The following HJV variants were observed in gnomAD, a reference collection of about 807,000 sequenced individuals.
HJV encodes the protein hemojuvelin BMP co-receptor.
A neutral mutation model predicts 22.7 loss-of-function variants in HJV; 18 were observed. The observed-to-expected ratio is 0.79, with a 90% CI of 0.55 to 1.18. The LOEUF is 1.18. Among genes scored for constraint, HJV ranks in the 50% most tolerant of loss-of-function variants. HJV has a pLI of 0.00. For synonymous variants in HJV, 229 were observed against 222.7 expected (o/e 1.03, Z -0.25); for missense variants, 572 against 553.0 (o/e 1.03, Z -0.34).
In HJV at chr1:146,019,316, G is replaced by T. The variant is rs782708481; in HGVS notation, c.516C>A (p.Asp172Glu). 2.5e-6 allele frequency: 4 copies of T among 1,613,730 alleles called. No homozygotes were observed. Among genetic ancestry groups the T allele is most frequent in the Non-Finnish European group, 3.4e-6 (4 of 1,180,050 alleles). Reference sequence around the variant, plus strand: ...GATGGTGGAAGCTGCGCACATGGGGGTCCCCGAAGGAAGCGCAATGCAAGA... The same window carrying T: ...GATGGTGGAAGCTGCGCACATGGGGTTCCCCGAAGGAAGCGCAATGCAAGA... ...PGFLHCASFG[D>E]PHVRSFHHHF... The change falls in exon 3 of 4, where the codon GAC becomes GAA. Residue 172 changes from aspartate to glutamate, a missense_variant. Transcript: ENST00000336751.
At position 146,019,348 on chromosome 1, in the gene HJV, G is replaced by A. The variant is rs782345514; in HGVS notation, c.484C>T (p.Pro162Ser). The part of the protein sequence containing the change: ...GRFSRLHGRP[P>S]GFLHCASFGD... ...AAGGAAGCGCAATGCAAGAACCCCG[G>A]GGGACGACCATGCAGCCGGGAAAAC... Residue 162 changes from proline to serine, a missense_variant, in exon 3 of 4, where the codon CCG (proline) becomes TCG (serine). By Grantham distance (74) the Pro-to-Ser change is moderately conservative. Transcript: ENST00000336751. 1 of 1,613,732 alleles carries A rather than the reference G, an allele frequency of 6.2e-7. No homozygotes were observed. Among genetic ancestry groups the A allele is most frequent in the African/African-American group, 1.3e-5 (1 of 74,950 alleles).
chr1:146,018,486 G>C lies in HJV; in HGVS notation c.872C>G (p.Ala291Gly), dbSNP rs376448289. The part of the protein sequence containing the change: ...IGTTIIIRQT[A>G]GQLSFSIKVA... ...CTTGATGGAGAAGGAGAGCTGCCCA[G>C]CTGTCTGCCGAATGATTATAGTTGT... The change falls in exon 4 of 4, where the codon GCT becomes GGT. Residue 291 changes from alanine (A) to glycine (G), a missense_variant. By Grantham distance (60) the Ala-to-Gly change is moderately conservative. Coordinates refer to ENST00000336751, the MANE Select transcript of HJV (RefSeq NM_213653.4). 4 of 1,614,232 alleles carry C rather than the reference G, an allele frequency of 2.5e-6. No homozygotes were observed. The highest frequency in any genetic ancestry group is 3.4e-6 in the Non-Finnish European group (4 of 1,180,042).
intron 1 of HJV, among the ~76,000 whole-genome samples, chr1:146,021,320 C>T (rs1652722237): frequency 6.6e-6 from 1 of 152,122 alleles, no homozygotes; most frequent in South Asian, 2.1e-4. Flanking sequence ...GGAACTCCTT[C>T]TAAAACTTCA....
chr1:146,019,445 C>A lies in HJV; in HGVS notation c.387G>T (p.Pro129=), dbSNP rs375878216. The change falls in exon 3 of 4, where the codon CCG becomes CCT. Residue 129 remains proline, a synonymous_variant. Coordinates refer to ENST00000336751, the MANE Select transcript of HJV (RefSeq NM_213653.4). ...CGCCTGGAAGGGCGGGGCCCCGGGG[C>A]GGGGGAGGGGCTGTAGGGCCCTGGC... is the stretch of plus-strand genomic sequence containing the variant. ...CSRQGPTAPP[P]PRGPALPGAG... The A allele has an allele frequency of 6.2e-7, 1 of 1,612,176 alleles. No homozygotes were observed. Among genetic ancestry groups the A allele is most frequent in the African/African-American group, 1.3e-5 (1 of 74,990 alleles).
chr1:146,018,897 A>G (rs587617081), intron 3 of HJV, among the ~76,000 whole-genome samples, 197 bp from the exon 4 acceptor site: 1 of 152,164 alleles, frequency 6.6e-6, no homozygotes, highest in Non-Finnish European at 1.5e-5. Flanking sequence ...AATCGTGGCA[A>G]CTTCCTAGGA....
In HJV at chr1:146,018,189, T is replaced by A; in HGVS notation, c.1169A>T (p.Asp390Val). ...ALEDARAFLP[D>V]LEKLHLFPSD... ...GGGGAAGAGATGCAGCTTCTCTAAG[T>A]CTGGCAGGAAGGCTCGGGCATCCTC... is the stretch of plus-strand genomic sequence containing the variant. Residue 390 changes from aspartate to valine, a missense_variant, in exon 4 of 4, where the codon GAC becomes GTC. Coordinates refer to ENST00000336751, the MANE Select transcript of HJV (RefSeq NM_213653.4). The A allele has an allele frequency of 6.2e-7, 1 of 1,614,158 alleles. No individual in the cohort carries two copies. Among genetic ancestry groups the A allele is most frequent in the East Asian group, 2.2e-5 (1 of 44,876 alleles).
At position 146,018,717 on chromosome 1, in the gene HJV, G is replaced by A; in HGVS notation, c.658-17C>T. ...GATGGTGAGCTGTGAGGACAAGAGG[G>A]AAAACAGTTCATTTTGGGTTCAGTG... On this transcript the variant is annotated splice_polypyrimidine_tract_variant and intron_variant, in intron 3 of 3. Transcript: ENST00000336751. 1 of 1,613,982 alleles carries A rather than the reference G, an allele frequency of 6.2e-7. No homozygotes were observed. The highest frequency in any genetic ancestry group is 8.5e-7 in the Non-Finnish European group (1 of 1,179,982).
rs781984687 is a variant in HJV, at chr1:146,019,622, C to T, written c.210G>A (p.Arg70=). ...GGCCGCCAGAGCCCACCCCTCCACC[C>T]CGGCCTCCTCCTCCTCCTCCTCGAA... ...GALRGGGGGG[R]GGGVGSGGLC... is the part of the protein sequence containing the mutation. The change falls in exon 3 of 4, where the codon CGG becomes CGA. Residue 70 remains arginine (R), a synonymous_variant. Transcript: ENST00000336751. 2 of 1,613,772 alleles carry T rather than the reference C, an allele frequency of 1.2e-6. No homozygotes were observed. Among genetic ancestry groups the T allele is most frequent in the Admixed American group, 3.3e-5 (2 of 60,020 alleles).
rs781817413 is a variant in HJV, at chr1:146,019,024, G to A, written c.657+151C>T. 245 of 809,558 alleles carry A rather than the reference G, an allele frequency of 3.0e-4. 2 individuals carry two copies. The highest frequency in any genetic ancestry group is 9.0e-4 in the Admixed American group (51 of 56,460). 50.1% of individuals were successfully genotyped at this position (809,558 alleles called of 1,614,324 possible). On this transcript the variant is annotated intron_variant, in intron 3 of 3. Transcript: ENST00000336751. Reference sequence around the variant, plus strand: ...GGGGAAGTGATTTACAGCTCCAGGTGTTTGGTAGAAGGGAGTGATTCGAGA... The same window carrying A: ...GGGGAAGTGATTTACAGCTCCAGGTATTTGGTAGAAGGGAGTGATTCGAGA...
chr1:146,019,591 G>C lies in HJV; in HGVS notation c.241C>G (p.Arg81Gly), dbSNP rs782012892. The change falls in exon 3 of 4, where the codon CGA (arginine) becomes GGA (glycine). Residue 81 changes from arginine (R) to glycine (G), a missense_variant. Physicochemically the swap from Arg to Gly is moderately radical, Grantham distance 125 (BLOSUM62 -2). Coordinates refer to ENST00000336751, the MANE Select transcript of HJV (RefSeq NM_213653.4). ...CAGAGCGCATAGGAGCGGAGGGCTCGACAGAGGCCGCCAGAGCCCACCCCT... is the reference window on the plus strand; with the variant it reads ...CAGAGCGCATAGGAGCGGAGGGCTCCACAGAGGCCGCCAGAGCCCACCCCT... ...GGGVGSGGLCRALRSYALCTR... is the reference protein window; with the variant it reads ...GGGVGSGGLCGALRSYALCTR... The C allele has an allele frequency of 5.6e-6, 9 of 1,613,584 alleles. No individual in the cohort carries two copies. The highest frequency in any genetic ancestry group is 7.6e-6 in the Non-Finnish European group (9 of 1,179,998).
rs1652640400 is a variant in HJV, at chr1:146,020,222, G to A, written c.10C>T (p.Pro4Ser). MGE[P>S]GQSPSPRSSH... ...GACCTGGGACTAGGGGACTGGCCTG[G>A]CTCCCCCATACCTATCCAGCCAGGT... is the stretch of plus-strand genomic sequence containing the variant. Residue 4 changes from proline to serine, a missense_variant, in exon 2 of 4, where the codon CCA becomes TCA. By Grantham distance (74) the Pro-to-Ser change is moderately conservative. Transcript: ENST00000336751. 2 of 1,610,026 alleles carry A rather than the reference G, an allele frequency of 1.2e-6. No individual in the cohort carries two copies. Among genetic ancestry groups the A allele is most frequent in the Non-Finnish European group, 1.7e-6 (2 of 1,176,322 alleles).
chr1:146,018,752 C>T, intron 3 of HJV, 52 bp from the exon 4 acceptor site: 1 of 1,573,412 alleles, frequency 6.4e-7, no homozygotes, highest in Non-Finnish European at 8.7e-7. Context: ...GCATCTTCCC[C>T]CCAATCAGAC....
rs781912565 is a variant in HJV, at chr1:146,018,246, G to A, written c.1112C>T (p.Pro371Leu). Reference protein sequence around the residue: ...CVFDVLISGDPNFTVAAQAAL... With the variant: ...CVFDVLISGDLNFTVAAQAAL... ...TGCCTGAGCTGCCACGGTAAAGTTG[G>A]GATCACCAGAAATTAAAACATCAAA... The change falls in exon 4 of 4, where the codon CCC (proline) becomes CTC (leucine). Residue 371 changes from proline (P) to leucine (L), a missense_variant. Transcript: ENST00000336751. 1.9e-6 allele frequency: 3 copies of A among 1,613,976 alleles called. No homozygotes were observed. The highest frequency in any genetic ancestry group is 1.3e-5 in the African/African-American group (1 of 74,896).
Position 146,017,963 on chromosome 1 carries a change from T to G in HJV, c.*114A>C. On this transcript the variant is annotated 3_prime_UTR_variant, in exon 4 of 4. Transcript: ENST00000336751. ...CAGCCTCATCTGACTCTGGATAATG[T>G]CATTGTTTCACGTGTCTCCTAGGCC... The G allele has an allele frequency of 8.5e-7, 1 of 1,170,646 alleles. No individual in the cohort carries two copies. The highest frequency in any genetic ancestry group is 1.3e-6 in the Non-Finnish European group (1 of 794,900). 72.5% of individuals were successfully genotyped at this position (1,170,646 alleles called of 1,614,324 possible).
chr1:146,020,376 G>A, intron 1 of HJV, 56 bp from the exon 2 acceptor site: 1 of 684,606 alleles, frequency 1.5e-6, no homozygotes, highest in Non-Finnish European at 2.7e-6. Context: ...AGATTGGTAA[G>A]GATAATGTGG....
In HJV at chr1:146,019,207, C is replaced by T; in HGVS notation, c.625G>A (p.Ala209Thr). The T allele has an allele frequency of 6.2e-7, 1 of 1,614,156 alleles. No individual in the cohort carries two copies. Among genetic ancestry groups the T allele is most frequent in the Admixed American group, 1.7e-5 (1 of 60,030 alleles). ...GTGGCGGTAGCGTTGGCCCCCAACG[C>T]CATGGGGGAGCTGGTGGCTTGGACA... ...LFVQATSSPMALGANATATRK... is the reference protein window; with the variant it reads ...LFVQATSSPMTLGANATATRK... Residue 209 changes from alanine (A) to threonine (T), a missense_variant, in exon 3 of 4, where the codon GCG (alanine) becomes ACG (threonine). Physicochemically the swap from Ala to Thr is moderately conservative, Grantham distance 58 (BLOSUM62 0). Coordinates refer to ENST00000336751, the MANE Select transcript of HJV (RefSeq NM_213653.4).
rs781864693 is a variant in HJV, at chr1:146,019,675, G to A, written c.157C>T (p.Leu53Phe). The A allele has an allele frequency of 1.2e-6, 2 of 1,613,730 alleles. No individual in the cohort carries two copies. Among genetic ancestry groups the A allele is most frequent in the African/African-American group, 1.3e-5 (1 of 74,858 alleles). Residue 53 changes from leucine to phenylalanine, a missense_variant, in exon 3 of 4, where the codon CTT (leucine) becomes TTT (phenylalanine). Leu to Phe is a conservative substitution (Grantham distance 22). Transcript: ENST00000336751. ...NAEYVSSTLS[L>F]RGGGSSGALR... ...GCTCCTGATGAACCCCCACCTCTAA[G>A]GCTCAGAGTGGACGATACGTACTCA...
chr1:146,019,210 T>TG lies in HJV; in HGVS notation c.621dup (p.Met208HisfsTer18). ...GCGGTAGCGTTGGCCCCCAACGCCA[T>TG]GGGGGAGCTGGTGGCTTGGACAAAG... On this transcript the variant is annotated frameshift_variant, in exon 3 of 4. Transcript: ENST00000336751. LOFTEE classifies it high-confidence loss of function. 1 of 1,614,050 alleles carries TG rather than the reference T, an allele frequency of 6.2e-7. No homozygotes were observed. Among genetic ancestry groups the TG allele is most frequent in the East Asian group, 2.2e-5 (1 of 44,856 alleles).
chr1:146,018,376 A>G lies in HJV; in HGVS notation c.982T>C (p.Ser328Pro). The change falls in exon 4 of 4, where the codon TCT becomes CCT. Residue 328 changes from serine to proline, a missense_variant. Coordinates refer to ENST00000336751, the MANE Select transcript of HJV (RefSeq NM_213653.4). ...CCCCGACGATTGCGCTCTGATCGAG[A>G]GAGTCGCTGACTTGGAGGGCACCCC... ...VGGCPPSQRL[S>P]RSERNRRGAI... The G allele has an allele frequency of 6.2e-7, 1 of 1,614,148 alleles. No homozygotes were observed. Among genetic ancestry groups the G allele is most frequent in the Non-Finnish European group, 8.5e-7 (1 of 1,180,042 alleles).
Sources: gnomAD v4.1 joint callset for allele counts (sites outside exome capture counted in the v4.1 genomes callset) on GRCh38, gnomAD v4.1.1 for gene constraint, MANE v1.5 for transcripts, NCBI Gene and HGNC (gene_info 2026-07-23, HGNC 2026-07-21) for gene names.